Variants in UBR1 observed in about 807,000 individuals in gnomAD.
The protein encoded by UBR1 is ubiquitin protein ligase E3 component n-recognin 1.
UBR1 carries 102 observed loss-of-function variants against 242.1 expected under a neutral mutation model. The observed-to-expected ratio is 0.42, with a 90% confidence interval of 0.36 to 0.50. The LOEUF (loss-of-function observed/expected upper bound fraction) is 0.50. UBR1 is among the 20% of genes least tolerant of loss of function. UBR1 has a pLI of 0.01. For missense variants in UBR1, 1,772 were observed against 2,101.8 expected (o/e 0.84, Z 3.07); for synonymous variants, 675 against 684.8 (o/e 0.99, Z 0.22).
At chr15:42,955,411 A>G (rs759809396) in intron 44 of UBR1, among the ~76,000 whole-genome samples, 71 of 152,146 alleles carry the variant, frequency 4.7e-4, no homozygotes, top group Admixed American at 1.3e-4. Context: ...ATATTACAAA[A>G]CTCTTAAAGG....
chr15:43,099,501 G>A (rs1026256849), intron 1 of UBR1, among the ~76,000 whole-genome samples: 1 of 152,118 alleles, frequency 6.6e-6, no homozygotes, highest in African/African-American at 2.4e-5. Context: ...TGATTTGGTG[G>A]TAGTCACACA....
Position 42,998,220 on chromosome 15 carries a change from C to G in UBR1, c.3705G>C (p.Trp1235Cys). The G allele has an allele frequency of 1.2e-6, 2 of 1,613,944 alleles. No homozygotes were observed. Among genetic ancestry groups the G allele is most frequent in the Non-Finnish European group, 1.7e-6 (2 of 1,179,968 alleles). ...ALAQLLTLAR[W>C]IQTVLARISG... is the part of the protein sequence containing the mutation. Reference sequence around the variant, plus strand: ...ATATTCTGGCCAGAACAGTCTGTATCCACCGTGCCAGGGTCAAAAGTTGAG... The same window carrying G: ...ATATTCTGGCCAGAACAGTCTGTATGCACCGTGCCAGGGTCAAAAGTTGAG... Residue 1235 changes from tryptophan (W) to cysteine (C), a missense_variant, in exon 33 of 47, where the codon TGG becomes TGC. Trp to Cys is a radical substitution (Grantham distance 215, BLOSUM62 -2). This residue lies in a region of UBR1 where 965 missense variants were observed against 1,079.7 expected (regional missense o/e 0.89). Transcript: ENST00000290650.
intron 27 of UBR1, among the ~76,000 whole-genome samples, chr15:43,017,809 CAAAAA>C (rs879790661): frequency 9.0e-6 from 1 of 110,724 alleles, no homozygotes; most frequent in African/African-American, 3.4e-5. Context: ...GACCCTGTCT[CAAAAA>C]AAAAAAAAAG....
intron 22 of UBR1, among the ~76,000 whole-genome samples, chr15:43,027,367 T>A (rs901250413): frequency 2.0e-5 from 3 of 152,120 alleles, no homozygotes; most frequent in African/African-American, 7.2e-5. Context: ...ATTAAATTTG[T>A]ATTTCCATTT....
In UBR1 at chr15:42,958,166, G is replaced by A. The variant is rs183746341; in HGVS notation, c.4758-76C>T. 9.2e-4 allele frequency: 872 copies of A among 949,760 alleles called. 5 individuals carry two copies. In the African/African-American group the frequency reaches 0.013, roughly 14 times the overall value. 58.8% of individuals were successfully genotyped at this position (949,760 alleles called of 1,614,324 possible). A position where few individuals can be genotyped will look rare whatever the true frequency, so the allele number is the denominator to read the frequency against. On this transcript the variant is annotated intron_variant, in intron 43 of 46. Transcript: ENST00000290650. ...TCAAAAACTGCCCAAAGTGATAGAA[G>A]AATGTCTTAAAAATAACAAAAGGAT...
At chr15:43,086,923 C>A (rs1020187969) in intron 1 of UBR1, among the ~76,000 whole-genome samples, 1 of 152,166 alleles carries the variant, frequency 6.6e-6, no homozygotes, top group Non-Finnish European at 1.5e-5. Flanking sequence ...GGGAGGACTG[C>A]TTGAGCCCAG....
chr15:43,010,461 A>G (rs1025777301), intron 29 of UBR1, among the ~76,000 whole-genome samples: 7 of 152,232 alleles, frequency 4.6e-5, no homozygotes, highest in Admixed American at 6.5e-5. Flanking sequence ...ACATAATACT[A>G]TCAATGCAAA....
intron 25 of UBR1, among the ~76,000 whole-genome samples, chr15:43,024,476 C>G (rs2033153356): frequency 6.6e-6 from 1 of 152,160 alleles, no homozygotes; most frequent in Non-Finnish European, 1.5e-5. Context: ...TGGGGAAACC[C>G]AAGACTGACG....
At chr15:42,961,588 A>T (rs1322935546) in intron 42 of UBR1, among the ~76,000 whole-genome samples, 1 of 150,600 alleles carries the variant, frequency 6.6e-6, no homozygotes, top group East Asian at 2.0e-4. Flanking sequence ...ACGCCTGGCT[A>T]ATTTTTGTAT....
chr15:42,999,793 C>T (rs2032695440), intron 32 of UBR1, among the ~76,000 whole-genome samples: 1 of 151,704 alleles, frequency 6.6e-6, no homozygotes, highest in Non-Finnish European at 1.5e-5. Flanking sequence ...CACACCACTG[C>T]ACTCCAGCAC....
At position 43,059,972 on chromosome 15, in the gene UBR1, CA is replaced by C. The variant is rs1439939802; in HGVS notation, c.861+79del. 5 of 1,565,882 alleles carry C rather than the reference CA, an allele frequency of 3.2e-6. No individual in the cohort carries two copies. The African/African-American group carries it at 6.8e-5, about 21-fold the overall frequency. On this transcript the variant is annotated intron_variant, in intron 7 of 46. Coordinates refer to ENST00000290650, the MANE Select transcript of UBR1 (RefSeq NM_174916.3). Reference sequence around the variant, plus strand: ...CCCCAAACCACTTCAACGACATCATCACTCAAATTATTCTACTTGGGCTCTT... The same window carrying C: ...CCCCAAACCACTTCAACGACATCATCCTCAAATTATTCTACTTGGGCTCTT...
chr15:43,049,664 C>T (rs954914803), intron 12 of UBR1, among the ~76,000 whole-genome samples: 1 of 152,058 alleles, frequency 6.6e-6, no homozygotes. Flanking sequence ...TCTTTAGATA[C>T]CCATTAACAT....
intron 1 of UBR1, among the ~76,000 whole-genome samples, chr15:43,102,012 T>C (rs904611487): frequency 1.4e-5 from 2 of 141,882 alleles, no homozygotes; most frequent in African/African-American, 5.2e-5. Context: ...TGGTGGTGCA[T>C]GCCTGTAATT....
chr15:42,983,745 G>C (rs1293014316), intron 37 of UBR1, 152 bp downstream of exon 37: 1 of 328,480 alleles, frequency 3.0e-6, no homozygotes, highest in Non-Finnish European at 5.5e-6. Flanking sequence ...TCTGTTTTTT[G>C]CATGGCTTCT....
At chr15:43,070,965 A>G in intron 4 of UBR1, 40 bp from the exon 5 acceptor site, 2 of 1,606,120 alleles carry the variant, frequency 1.2e-6, no homozygotes, top group African/African-American at 2.7e-5. Flanking sequence ...TCAAGATTGT[A>G]TACAAATAAA....
intron 39 of UBR1, among the ~76,000 whole-genome samples, chr15:42,976,342 G>A (rs1207445388): frequency 6.6e-6 from 1 of 152,102 alleles, no homozygotes. Context: ...GCTACAAGGG[G>A]AAGAAAGTAC....
intron 29 of UBR1, among the ~76,000 whole-genome samples, chr15:43,010,628 A>C (rs910871682): frequency 6.6e-6 from 1 of 152,032 alleles, no homozygotes; most frequent in Non-Finnish European, 1.5e-5. Flanking sequence ...CTGGTGCTCA[A>C]ATGGAACTTT....
chr15:43,027,880 T>C (rs1227020245), intron 21 of UBR1, 52 bp from the exon 22 acceptor site: 1 of 1,399,260 alleles, frequency 7.1e-7, no homozygotes. Flanking sequence ...GACTTCCACC[T>C]CTCTGTGAAG....
At chr15:42,946,132 T>A (rs1253962202) in intron 46 of UBR1, among the ~76,000 whole-genome samples, 1 of 151,900 alleles carries the variant, frequency 6.6e-6, no homozygotes, top group Non-Finnish European at 1.5e-5. Context: ...GTTTTTGTTT[T>A]TGTTTTTTGG....
Sources: allele counts gnomAD v4.1 joint callset (sites outside exome capture counted in the v4.1 genomes callset), GRCh38; gene constraint gnomAD v4.1.1; regional missense constraint gnomAD v4.1.1; transcripts MANE v1.5; gene names NCBI Gene and HGNC (gene_info 2026-07-23, HGNC 2026-07-21).